The following RAB20 variants were observed in gnomAD, a reference collection of about 807,000 sequenced individuals.
The protein encoded by RAB20 is ras-related protein Rab-20.
A neutral mutation model predicts 3.7 loss-of-function variants in RAB20; 2 were observed. That is an observed-to-expected ratio of 0.54 (90% CI 0.22 to 1.69). RAB20 has a LOEUF of 1.69. Among genes scored for constraint, RAB20 ranks in the 40% most tolerant of loss-of-function variants. RAB20 has a pLI of 0.19. For synonymous variants in RAB20, 126 were observed against 130.8 expected (o/e 0.96, Z 0.25); for missense variants, 276 against 311.9 (o/e 0.88, Z 0.87).
At chr13:110,560,127 G>C (rs1472092495) in intron 1 of RAB20, among the ~76,000 whole-genome samples, 1 of 152,180 alleles carries the variant, frequency 6.6e-6, no homozygotes, top group Non-Finnish European at 1.5e-5. Flanking sequence ...GTGTTCCATC[G>C]TTACCAAATG....
At chr13:110,559,637 T>G (rs918118899) in intron 1 of RAB20, among the ~76,000 whole-genome samples, 3 of 152,142 alleles carry the variant, frequency 2.0e-5, no homozygotes, top group Non-Finnish European at 4.4e-5. Context: ...CTTAGGATCT[T>G]TCGAACAAGC....
chr13:110,555,868 G>C lies in RAB20; in HGVS notation c.172+5480C>G, dbSNP rs1885030503. Among the ~76,000 whole-genome samples the C allele has an allele frequency of 6.6e-6, 1 of 152,150 alleles. No homozygotes were observed. On this transcript the variant is annotated intron_variant, in intron 1 of 1. Coordinates refer to ENST00000267328, the MANE Select transcript of RAB20 (RefSeq NM_017817.3). The surrounding 1 kb of genome is among the most constrained non-coding windows in gnomAD (Gnocchi z 4.0). ...CTCGCCGTGGCCTCCCCATTTATTA[G>C]AGACTTGTTTGCTAGGGGCCCAGCT...
At chr13:110,549,332 G>A (rs770312053) in intron 1 of RAB20, among the ~76,000 whole-genome samples, 5 of 152,236 alleles carry the variant, frequency 3.3e-5, no homozygotes, top group African/African-American at 4.8e-5. Flanking sequence ...ATTCTTGAAT[G>A]CAGATTCATT....
At chr13:110,552,851 C>G (rs1028654819) in intron 1 of RAB20, among the ~76,000 whole-genome samples, 1 of 152,204 alleles carries the variant, frequency 6.6e-6, no homozygotes, top group African/African-American at 2.4e-5. Flanking sequence ...TTAAGTTTCT[C>G]CTGAACCACA....
At chr13:110,557,837 G>A (rs921442398) in intron 1 of RAB20, among the ~76,000 whole-genome samples, 4 of 152,278 alleles carry the variant, frequency 2.6e-5, no homozygotes, top group African/African-American at 9.6e-5. Flanking sequence ...CCTTTAGAAG[G>A]GAAGGAAAAC....
rs1003100712 is a variant in RAB20, at chr13:110,561,706, G to A, written c.-187C>T. The stretch of plus-strand genomic sequence containing the variant: ...GGAAGCGCGTGTGCGCGCCCGGGAA[G>A]GAGCTGGGTGCAGAGCACGGAGCCC... On this transcript the variant is annotated 5_prime_UTR_variant, in exon 1 of 2. Coordinates refer to ENST00000267328, the MANE Select transcript of RAB20 (RefSeq NM_017817.3). 8.5e-5 allele frequency: 93 copies of A among 1,094,344 alleles called. No homozygotes were observed. The Admixed American group carries it at 9.1e-4, about 11-fold the overall frequency. The allele number at this position is 1,094,344 out of a possible 1,614,324, so 67.8% of individuals were successfully genotyped here.
chr13:110,534,315 C>A (rs1884602707), intron 1 of RAB20, among the ~76,000 whole-genome samples: 1 of 152,212 alleles, frequency 6.6e-6, no homozygotes, highest in Non-Finnish European at 1.5e-5. Flanking sequence ...CTGCCTTATT[C>A]ACGTGGACTG....
chr13:110,549,692 C>A (rs1200963546), intron 1 of RAB20, among the ~76,000 whole-genome samples: 1 of 150,838 alleles, frequency 6.6e-6, no homozygotes, highest in Admixed American at 6.7e-5. Context: ...TTAGACTGCA[C>A]CCTTTTTATC....
intron 1 of RAB20, among the ~76,000 whole-genome samples, chr13:110,543,809 T>TCTGTCACC (rs1240315334): frequency 6.8e-6 from 1 of 147,830 alleles, no homozygotes; most frequent in Non-Finnish European, 1.5e-5. Flanking sequence ...GGAGTCTCAC[T>TCTGTCACC]CTGTCACCCA....
rs970034285 is a variant in RAB20, at chr13:110,561,720, A to C, written c.-201T>G. On this transcript the variant is annotated 5_prime_UTR_variant, in exon 1 of 2. Coordinates refer to ENST00000267328, the MANE Select transcript of RAB20 (RefSeq NM_017817.3). ...GCGCCCGGGAAGGAGCTGGGTGCAGAGCACGGAGCCCACGTCGGGGGCCCG... is the reference window on the plus strand; with the variant it reads ...GCGCCCGGGAAGGAGCTGGGTGCAGCGCACGGAGCCCACGTCGGGGGCCCG... 3 of 884,610 alleles carry C rather than the reference A, an allele frequency of 3.4e-6. No individual in the cohort carries two copies. The highest frequency in any genetic ancestry group is 8.9e-5 in the Admixed American group (2 of 22,564). 54.8% of individuals were successfully genotyped at this position (884,610 alleles called of 1,614,324 possible).
At chr13:110,533,610 C>G (rs1884585821) in intron 1 of RAB20, among the ~76,000 whole-genome samples, 1 of 152,140 alleles carries the variant, frequency 6.6e-6, no homozygotes, top group South Asian at 2.1e-4. Context: ...ATCGCTTAAG[C>G]CCAGGAGGTT....
rs1885032718 is a variant in RAB20, at chr13:110,555,996, T to C, written c.172+5352A>G. Among the ~76,000 whole-genome samples, 1 of 152,208 alleles carries C rather than the reference T, an allele frequency of 6.6e-6. No homozygotes were observed. Among genetic ancestry groups the C allele is most frequent in the Non-Finnish European group, 1.5e-5 (1 of 68,040 alleles). On this transcript the variant is annotated intron_variant, in intron 1 of 1. Coordinates refer to ENST00000267328, the MANE Select transcript of RAB20 (RefSeq NM_017817.3). The surrounding 1 kb of genome is among the most constrained non-coding windows in gnomAD (Gnocchi z 4.0). ...TGTTTAGCAAAACTCACATGGTACT[T>C]CCTCATTCTGGCCACTGTTCTGAGA...
At chr13:110,553,011 C>T (rs1884983311) in intron 1 of RAB20, among the ~76,000 whole-genome samples, 1 of 152,232 alleles carries the variant, frequency 6.6e-6, no homozygotes, top group Non-Finnish European at 1.5e-5. Flanking sequence ...TTGTCCACTC[C>T]TGCTGAGGCC....
In RAB20 at chr13:110,545,225, T is replaced by A. The variant is rs149180962; in HGVS notation, c.172+16123A>T. Among the ~76,000 whole-genome samples the A allele has an allele frequency of 4.4e-3, 676 of 152,344 alleles. 4 individuals are homozygous for A. Among genetic ancestry groups the A allele is most frequent in the Non-Finnish European group, 6.8e-3 (465 of 68,042 alleles). ...GGTTGTTTGTAACGCAAGGGATAAA[T>A]GTTTGAGGGATGGATACCCCATTTT... On this transcript the variant is annotated intron_variant, in intron 1 of 1. Transcript: ENST00000267328.
At chr13:110,533,701 G>A (rs1169483333) in intron 1 of RAB20, among the ~76,000 whole-genome samples, 1 of 139,324 alleles carries the variant, frequency 7.2e-6, no homozygotes, top group African/African-American at 2.9e-5. Flanking sequence ...AGAGAGAATG[G>A]GATGTGGAAG....
intron 1 of RAB20, among the ~76,000 whole-genome samples, chr13:110,538,858 C>G (rs1195283690): frequency 1.3e-5 from 2 of 152,076 alleles, no homozygotes; most frequent in Non-Finnish European, 2.9e-5. Flanking sequence ...TGTCCCTGGC[C>G]AGGCAAGAGC....
rs970952462 is a variant in RAB20 at position 110,523,904 on chromosome 13, C to A, written c.466G>T (p.Ala156Ser). The part of the protein sequence containing the change: ...PKQVQLEDAV[A>S]LYKKILKYKM... ...TACTTGAGGATCTTTTTATAAAGGG[C>A]CACCGCATCCTCCAGCTGCACCTGC... is the stretch of plus-strand genomic sequence containing the variant. Residue 156 changes from alanine to serine, a missense_variant, in exon 2 of 2, where the codon GCC (alanine) becomes TCC (serine). By Grantham distance (99) the Ala-to-Ser change is moderately conservative. Transcript: ENST00000267328. The A allele has an allele frequency of 6.2e-7, 1 of 1,614,224 alleles. No homozygotes were observed. Among genetic ancestry groups the A allele is most frequent in the African/African-American group, 1.3e-5 (1 of 75,054 alleles).
intron 1 of RAB20, among the ~76,000 whole-genome samples, chr13:110,544,911 C>A (rs1191083850): frequency 6.6e-6 from 1 of 152,198 alleles, no homozygotes; most frequent in African/African-American, 2.4e-5. Flanking sequence ...GCAATTGAAT[C>A]ATGGGGGCAT....
intron 1 of RAB20, among the ~76,000 whole-genome samples, chr13:110,544,843 T>G (rs1003869893): frequency 1.1e-4 from 17 of 152,160 alleles, no homozygotes; most frequent in African/African-American, 4.1e-4. Flanking sequence ...CGTTCAAATC[T>G]CAACTTGAAT....
Sources: gnomAD v4.1 joint callset for allele counts (sites outside exome capture counted in the v4.1 genomes callset) on GRCh38, gnomAD v4.1.1 for gene constraint, Gnocchi (gnomAD v3.1) non-coding constraint, MANE v1.5 for transcripts, NCBI Gene and HGNC (gene_info 2026-07-23, HGNC 2026-07-21) for gene names.